Variants in FBXO4 observed in about 807,000 individuals in gnomAD.
FBXO4 encodes F-box only protein 4.
In FBXO4, 36 loss-of-function variants were observed where a neutral mutation model predicts 43.7. The ratio of observed to expected loss-of-function variants is 0.82; its 90% CI spans 0.63 to 1.09. The LOEUF (loss-of-function observed/expected upper bound fraction) is 1.09, where lower values mean the gene tolerates loss of function less well. Ranked by LOEUF, FBXO4 falls within the 50% of genes least tolerant of loss-of-function variation. The pLI is 0.00. For missense variants in FBXO4, 435 were observed against 474.1 expected (o/e 0.92, Z 0.77); for synonymous variants, 180 against 165.6 (o/e 1.09, Z -0.67).
the FBXO4 span, among the ~76,000 whole-genome samples, chr5:41,981,131 AT>A: frequency 1.3e-5 from 2 of 152,228 alleles, 1 homozygote; most frequent in African/African-American, 4.8e-5. Context: ...TTAATACTAT[AT>A]CATTACAATT....
At chr5:41,933,622 G>T (rs1195015609) in intron 3 of FBXO4, among the ~76,000 whole-genome samples, 2 of 152,132 alleles carry the variant, frequency 1.3e-5, no homozygotes, top group African/African-American at 4.8e-5. Context: ...ATGAAAATGA[G>T]TCTTAGTCTT....
At chr5:41,976,919 G>A in the FBXO4 span, among the ~76,000 whole-genome samples, 1 of 152,220 alleles carries the variant, frequency 6.6e-6, no homozygotes, top group Non-Finnish European at 1.5e-5. Flanking sequence ...CTAGGAGAAA[G>A]CTGTCAAGCC....
At chr5:42,027,533 TC>T in the FBXO4 span, among the ~76,000 whole-genome samples, 1 of 151,932 alleles carries the variant, frequency 6.6e-6, no homozygotes, top group Admixed American at 6.6e-5. Context: ...CATTTCAATT[TC>T]ATTTATTTCT....
chr5:42,001,800 T>C, the FBXO4 span, among the ~76,000 whole-genome samples: 1 of 152,196 alleles, frequency 6.6e-6, no homozygotes, highest in Non-Finnish European at 1.5e-5. Context: ...CAAGCAATTC[T>C]CCTGCTCAGC....
chr5:42,009,777 T>G, the FBXO4 span, among the ~76,000 whole-genome samples: 2 of 152,192 alleles, frequency 1.3e-5, no homozygotes, highest in Non-Finnish European at 2.9e-5. Context: ...TTAAATAACA[T>G]CAATTTATCA....
chr5:41,971,564 A>G, the FBXO4 span, among the ~76,000 whole-genome samples: 3 of 151,960 alleles, frequency 2.0e-5, no homozygotes, highest in Non-Finnish European at 2.9e-5. Context: ...GGAAATAATG[A>G]TTGCCTTGAT....
At chr5:42,023,282 C>T in the FBXO4 span, among the ~76,000 whole-genome samples, 1 of 151,996 alleles carries the variant, frequency 6.6e-6, no homozygotes, top group Admixed American at 6.6e-5. Context: ...TTGGAGAAAC[C>T]TACCAAGAGG....
chr5:41,953,861 A>G, the FBXO4 span, among the ~76,000 whole-genome samples: 9 of 151,868 alleles, frequency 5.9e-5, no homozygotes, highest in Non-Finnish European at 1.3e-4. Context: ...TTTTTCTTGT[A>G]AATTTGTTGG....
chr5:41,955,108 T>C, the FBXO4 span, among the ~76,000 whole-genome samples: 1 of 152,214 alleles, frequency 6.6e-6, no homozygotes, highest in South Asian at 2.1e-4. Context: ...CTAAAGAAAG[T>C]AGGTAAATGG....
At chr5:41,983,477 A>G in the FBXO4 span, among the ~76,000 whole-genome samples, 2 of 152,180 alleles carry the variant, frequency 1.3e-5, no homozygotes, top group Admixed American at 1.3e-4. Context: ...TGCTATTGTG[A>G]GAGCATTATT....
At chr5:41,951,936 G>T in the FBXO4 span, 1 of 310,908 alleles carries the variant, frequency 3.2e-6, no homozygotes, top group Non-Finnish European at 6.2e-6. Flanking sequence ...CTTCAGCACA[G>T]CCTGGTGGTC....
At chr5:41,931,867 C>A (rs555803911) in intron 3 of FBXO4, among the ~76,000 whole-genome samples, 2 of 152,160 alleles carry the variant, frequency 1.3e-5, no homozygotes, top group African/African-American at 4.8e-5. Context: ...AAGAGTGCTA[C>A]AGCTGAATGA....
intron 3 of FBXO4, among the ~76,000 whole-genome samples, chr5:41,933,674 A>G (rs1751760253): frequency 1.3e-5 from 2 of 152,216 alleles, no homozygotes; most frequent in Non-Finnish European, 2.9e-5. Context: ...GCTGCTACTG[A>G]TAAGATGATA....
the FBXO4 span, among the ~76,000 whole-genome samples, chr5:42,017,587 C>A: frequency 6.8e-6 from 1 of 146,052 alleles, no homozygotes; most frequent in Admixed American, 7.0e-5. Flanking sequence ...CCCTTGTCCC[C>A]CTCTTTCCTG....
the FBXO4 span, among the ~76,000 whole-genome samples, chr5:42,014,120 C>T: frequency 6.6e-6 from 1 of 152,148 alleles, no homozygotes; most frequent in African/African-American, 2.4e-5. Flanking sequence ...TGAGGAAAGA[C>T]ATTCAATGAG....
chr5:42,033,719 T>G, the FBXO4 span, among the ~76,000 whole-genome samples: 1 of 152,228 alleles, frequency 6.6e-6, no homozygotes, highest in Admixed American at 6.5e-5. Flanking sequence ...CTCATTCTTT[T>G]TATGGCTGCA....
At chr5:41,998,547 T>C in the FBXO4 span, among the ~76,000 whole-genome samples, 13 of 152,196 alleles carry the variant, frequency 8.5e-5, no homozygotes, top group Admixed American at 3.3e-4. Flanking sequence ...AATAAATTAT[T>C]AGAACCTTTT....
At chr5:41,946,046 T>G (rs933954894), downstream of FBXO4, among the ~76,000 whole-genome samples, 1 of 152,192 alleles carries the variant, frequency 6.6e-6, no homozygotes, top group African/African-American at 2.4e-5. Context: ...CACCTCATAA[T>G]CAAATGACCT....
At chr5:41,981,683 T>A in the FBXO4 span, among the ~76,000 whole-genome samples, 7 of 151,816 alleles carry the variant, frequency 4.6e-5, no homozygotes, top group East Asian at 9.7e-4. Context: ...AATTAAAAAA[T>A]TTATTTGTTA....
Sources: gnomAD v4.1 joint callset for allele counts (sites outside exome capture counted in the v4.1 genomes callset) on GRCh38, gnomAD v4.1.1 for gene constraint, MANE v1.5 for transcripts, NCBI Gene and HGNC (gene_info 2026-07-23, HGNC 2026-07-21) for gene names.